The following PHF20 variants were observed in gnomAD, a reference collection of about 807,000 sequenced individuals.
The protein encoded by PHF20 is glioma-expressed antigen 2.
In PHF20, 23 loss-of-function variants were observed where a neutral mutation model predicts 113.5. That is an observed-to-expected ratio of 0.20 (90% CI 0.15 to 0.29). The LOEUF (loss-of-function observed/expected upper bound fraction) is 0.29. Among genes scored for constraint, PHF20 ranks in the 10% least tolerant of loss-of-function variants. PHF20 has a pLI of 1.00. For missense variants in PHF20, 943 were observed against 1,219.6 expected (o/e 0.77, Z 3.38); for synonymous variants, 434 against 457.3 (o/e 0.95, Z 0.65).
At chr20:35,861,742 G>A (rs981122879) in intron 5 of PHF20, among the ~76,000 whole-genome samples, 4 of 152,120 alleles carry the variant, frequency 2.6e-5, no homozygotes, top group Non-Finnish European at 5.9e-5. Flanking sequence ...TCTGCTGGCT[G>A]TTACCGAGAA....
chr20:35,782,701 G>A (rs1474931399), intron 1 of PHF20: 3 of 152,144 alleles, frequency 2.0e-5, no homozygotes, highest in Non-Finnish European at 4.4e-5. Context: ...ATGTAATTTG[G>A]GCATATGGCT....
At chr20:35,847,296 T>A (rs1285387388) in intron 3 of PHF20, 54 bp from the exon 4 acceptor site, 20 of 1,204,994 alleles carry the variant, frequency 1.7e-5, no homozygotes, top group Non-Finnish European at 1.6e-5. Flanking sequence ...GTCCTGTATG[T>A]CCTGTGAAAT....
At chr20:35,836,593 G>A (rs113759055) in intron 2 of PHF20, among the ~76,000 whole-genome samples, 7,715 of 151,354 alleles carry the variant, frequency 0.051, 243 homozygotes, top group African/African-American at 0.099. Flanking sequence ...GCCTGTAATC[G>A]CAGCACTTTG....
At chr20:35,929,447 C>A (rs993908656) in intron 14 of PHF20, among the ~76,000 whole-genome samples, 1 of 152,250 alleles carries the variant, frequency 6.6e-6, no homozygotes, top group Non-Finnish European at 1.5e-5. Flanking sequence ...AGGGACATGA[C>A]TGGCCCAAGA....
intron 9 of PHF20, among the ~76,000 whole-genome samples, chr20:35,896,010 A>G (rs759162758): frequency 1.1e-4 from 17 of 151,902 alleles, no homozygotes; most frequent in Non-Finnish European, 2.5e-4. Context: ...CTTACCTGCA[A>G]CTAATTGATC....
chr20:35,792,208 C>T (rs532819185), intron 1 of PHF20, among the ~76,000 whole-genome samples: 256 of 151,826 alleles, frequency 1.7e-3, no homozygotes, highest in African/African-American at 5.9e-3. Flanking sequence ...CTTTTTTTTA[C>T]GACAGAGTCT....
chr20:35,883,877 C>T (rs942695452), intron 9 of PHF20, among the ~76,000 whole-genome samples: 59 of 152,212 alleles, frequency 3.9e-4, no homozygotes, highest in Admixed American at 2.0e-4. Flanking sequence ...CAAACTTCTG[C>T]TCTCGGGGCA....
intron 10 of PHF20, among the ~76,000 whole-genome samples, chr20:35,909,012 C>G (rs1274736143): frequency 6.6e-6 from 1 of 152,074 alleles, no homozygotes; most frequent in Non-Finnish European, 1.5e-5. Context: ...ATCTGTAGAG[C>G]TTTTATTTCC....
Position 35,852,662 on chromosome 20 carries a change from G to A in PHF20, c.340+5228G>A, listed in dbSNP as rs151097292. 9.2e-3 allele frequency among the ~76,000 whole-genome samples: 1,390 copies of A among 150,386 alleles called. 9 individuals carry two copies. The highest frequency in any genetic ancestry group is 0.015 in the Non-Finnish European group (1,020 of 67,720). The stretch of plus-strand genomic sequence containing the variant: ...TGCCCATGCTGGAGTGCAGTGGCTC[G>A]ATCTCAGCTCACTGCAACCTCCGCC... On this transcript the variant is annotated intron_variant, in intron 4 of 17. Coordinates refer to ENST00000374012, the MANE Select transcript of PHF20 (RefSeq NM_016436.5).
intron 17 of PHF20, among the ~76,000 whole-genome samples, chr20:35,945,689 G>A (rs1369698098): frequency 6.6e-6 from 1 of 152,104 alleles, no homozygotes; most frequent in Non-Finnish European, 1.5e-5. Flanking sequence ...ACCTGCAGGG[G>A]GTGGTTCTTG....
chr20:35,782,814 T>C (rs1218426647), intron 1 of PHF20, among the ~76,000 whole-genome samples: 2 of 152,230 alleles, frequency 1.3e-5, no homozygotes, highest in Non-Finnish European at 2.9e-5. Flanking sequence ...ACCCAAGTAT[T>C]ATCATAACTG....
At chr20:35,792,171 T>G (rs550060559) in intron 1 of PHF20, among the ~76,000 whole-genome samples, 1 of 152,158 alleles carries the variant, frequency 6.6e-6, no homozygotes, top group Admixed American at 6.6e-5. Context: ...GGGTGAAGTT[T>G]TGAGGCCTAT....
At chr20:35,872,030 A>G in intron 9 of PHF20, 1 of 376,480 alleles carries the variant, frequency 2.7e-6, no homozygotes, top group Admixed American at 4.5e-5. Context: ...GGCTTTATCT[A>G]TTTTGTTTTC....
chr20:35,943,889 G>A (rs887992480), intron 17 of PHF20, among the ~76,000 whole-genome samples: 7 of 152,146 alleles, frequency 4.6e-5, no homozygotes, highest in African/African-American at 1.7e-4. Flanking sequence ...AAAGTGCTGG[G>A]ATTACAGGTG....
chr20:35,866,056 A>T (rs192936333), intron 6 of PHF20, among the ~76,000 whole-genome samples: 1 of 152,086 alleles, frequency 6.6e-6, no homozygotes, highest in African/African-American at 2.4e-5. Flanking sequence ...CTAACAACAC[A>T]AAAATTAGAT....
At chr20:35,796,009 C>T (rs1172316782) in intron 1 of PHF20, among the ~76,000 whole-genome samples, 2 of 152,048 alleles carry the variant, frequency 1.3e-5, no homozygotes, top group African/African-American at 4.8e-5. Context: ...CACCACCATG[C>T]CCAGCTAATT....
intron 14 of PHF20, among the ~76,000 whole-genome samples, chr20:35,929,432 C>G (rs1414846370): frequency 6.6e-6 from 1 of 152,222 alleles, no homozygotes; most frequent in Non-Finnish European, 1.5e-5. Context: ...AAACACAAGT[C>G]CAGAAGGGAC....
At chr20:35,875,485 T>C (rs911102908) in intron 9 of PHF20, among the ~76,000 whole-genome samples, 9 of 152,178 alleles carry the variant, frequency 5.9e-5, no homozygotes, top group African/African-American at 1.2e-4. Flanking sequence ...TCTGTCTAGC[T>C]TCGTCCATAG....
chr20:35,801,152 G>A (rs1569125735), intron 1 of PHF20, among the ~76,000 whole-genome samples: 1 of 152,138 alleles, frequency 6.6e-6, no homozygotes, highest in Admixed American at 6.6e-5. Context: ...TTAAATAGTC[G>A]CTGAGCAAAT....
Sources: allele counts gnomAD v4.1 joint callset (sites outside exome capture counted in the v4.1 genomes callset), GRCh38; gene constraint gnomAD v4.1.1; transcripts MANE v1.5; gene names NCBI Gene and HGNC (gene_info 2026-07-23, HGNC 2026-07-21).